The following GPR137 variants were observed in gnomAD, a reference collection of about 807,000 sequenced individuals.
The protein encoded by GPR137 is G protein-coupled receptor 137.
A neutral mutation model predicts 38.9 loss-of-function variants in GPR137; 20 were observed. The ratio of observed to expected loss-of-function variants is 0.51; its 90% CI spans 0.36 to 0.75. The LOEUF (loss-of-function observed/expected upper bound fraction) is 0.75, where lower values mean the gene tolerates loss of function less well. Among genes scored for constraint, GPR137 ranks in the 30% least tolerant of loss-of-function variants. GPR137 has a pLI of 0.00. For synonymous variants in GPR137, 226 were observed against 235.8 expected (o/e 0.96, Z 0.38); for missense variants, 456 against 526.4 (o/e 0.87, Z 1.31).
upstream of GPR137, chr11:64,285,460 G>T (rs1451745168): frequency 1.0e-6 from 1 of 984,234 alleles, no homozygotes; most frequent in African/African-American, 1.7e-5. Flanking sequence ...CAGGCCCGGG[G>T]GCGGGGCCCG....
chr11:64,270,576 G>T (rs897648749), exon 1 of GPR137: 39 of 707,022 alleles, frequency 5.5e-5, no homozygotes, highest in Middle Eastern at 2.3e-4. Context: ...AGGATGCCTA[G>T]GGCCCTAAAT....
At chr11:64,276,312 G>GTGTGTGTA (rs2033060641) in intron 1 of GPR137, 1 of 40,692 alleles carries the variant, frequency 2.5e-5, no homozygotes, top group Non-Finnish European at 4.6e-5. Context: ...GTGTGTGTGT[G>GTGTGTGTA]TGTATATATA....
At chr11:64,271,296 TCACA>T (rs1176064923), upstream of GPR137, among the ~76,000 whole-genome samples, 8 of 2,266 alleles carry the variant, frequency 3.5e-3, no homozygotes, top group African/African-American at 9.7e-3. Context: ...CCTGTGACTC[TCACA>T]CACACACACA....
At chr11:64,271,581 C>T (rs1293493342), upstream of GPR137, 1 of 1,392,716 alleles carries the variant, frequency 7.2e-7, no homozygotes, top group African/African-American at 1.5e-5. Flanking sequence ...CCTGGTACTT[C>T]AGGTCCTGGC....
upstream of GPR137, chr11:64,285,640 C>T: frequency 1.0e-6 from 1 of 985,198 alleles, no homozygotes; most frequent in Non-Finnish European, 1.2e-6. Flanking sequence ...ACGGCCCACC[C>T]GGGGACCCCC....
At chr11:64,274,789 C>T (rs1193917819), upstream of GPR137, among the ~76,000 whole-genome samples, 1 of 151,810 alleles carries the variant, frequency 6.6e-6, no homozygotes, top group Non-Finnish European at 1.5e-5. Flanking sequence ...CCACTGCACT[C>T]CAGCCTGGGT....
chr11:64,289,205 C>T lies in GPR137; in HGVS notation c.*9C>T. On this transcript the variant is annotated 3_prime_UTR_variant, in exon 7 of 7. Coordinates refer to ENST00000438980, the MANE Select transcript of GPR137 (RefSeq NM_001170880.2). ...CCACCCCACAGACGTGATCCCCCTC[C>T]CTCCCCCACAGAATACCCAGGCCCC... 1 of 1,611,094 alleles carries T rather than the reference C, an allele frequency of 6.2e-7. No homozygotes were observed.
rs768367749 is a variant in GPR137 at position 64,286,561 on chromosome 11, G to A, written c.37G>A (p.Gly13Arg). The A allele has an allele frequency of 1.2e-6, 2 of 1,612,948 alleles. No individual in the cohort carries two copies. Among genetic ancestry groups the A allele is most frequent in the Non-Finnish European group, 1.7e-6 (2 of 1,179,324 alleles). The change falls in exon 1 of 7, where the codon GGG becomes AGG. Residue 13 changes from glycine to arginine, a missense_variant. Coordinates refer to ENST00000438980, the MANE Select transcript of GPR137 (RefSeq NM_001170880.2). ...CCTGTCTGGCCTGGTGCCTGCTGCC[G>A]GGCTGGTGCCTGCGCTGCCACCTGC... ...SNLSGLVPAA[G>R]LVPALPPAVT...
At chr11:64,276,692 C>A in intron 2 of GPR137, 1 of 537,520 alleles carries the variant, frequency 1.9e-6, no homozygotes, top group Non-Finnish European at 3.3e-6. Context: ...TCTGTGAATT[C>A]CCTGGGGGAA....
upstream of GPR137, chr11:64,285,455 C>T: frequency 3.0e-6 from 3 of 984,296 alleles, no homozygotes; most frequent in Non-Finnish European, 3.6e-6. Context: ...GGGTTCAGGC[C>T]CGGGGGCGGG....
At chr11:64,271,777 G>GC, upstream of GPR137, 1 of 1,377,808 alleles carries the variant, frequency 7.3e-7, no homozygotes, top group Non-Finnish European at 9.4e-7. Context: ...GAGCTGTGGC[G>GC]ACTCCGGATC....
upstream of GPR137, among the ~76,000 whole-genome samples, chr11:64,283,453 A>C (rs1285099036): frequency 1.3e-5 from 2 of 152,242 alleles, no homozygotes; most frequent in Non-Finnish European, 2.9e-5. Flanking sequence ...ATAGAACCCC[A>C]GTGTCCATCC....
chr11:64,275,015 A>G (rs1452518564), upstream of GPR137, among the ~76,000 whole-genome samples: 1 of 139,532 alleles, frequency 7.2e-6, no homozygotes, highest in Admixed American at 7.4e-5. Flanking sequence ...AAAAAAAAAA[A>G]GCGAGTAAGG....
rs2034292242 is a variant in GPR137, at chr11:64,287,873, C to T, written c.560C>T (p.Ala187Val). 1 of 1,604,222 alleles carries T rather than the reference C, an allele frequency of 6.2e-7. No homozygotes were observed. Among genetic ancestry groups the T allele is most frequent in the Non-Finnish European group, 8.5e-7 (1 of 1,179,952 alleles). ...AGCGACTCCCTGTTCGTCATCTGCGCGCTGTCTCTTGCTGCCTGCCTCTGC... is the reference window on the plus strand; with the variant it reads ...AGCGACTCCCTGTTCGTCATCTGCGTGCTGTCTCTTGCTGCCTGCCTCTGC... ...LVSDSLFVIC[A>V]LSLAACLCLV... The change falls in exon 3 of 7, where the codon GCG becomes GTG. Residue 187 changes from alanine to valine, a missense_variant. Physicochemically the swap from Ala to Val is moderately conservative, Grantham distance 64. Coordinates refer to ENST00000438980, the MANE Select transcript of GPR137 (RefSeq NM_001170880.2).
chr11:64,279,630 G>T (rs1367814595), upstream of GPR137, among the ~76,000 whole-genome samples: 1 of 151,984 alleles, frequency 6.6e-6, no homozygotes, highest in South Asian at 2.1e-4. Flanking sequence ...GCTGGGCATG[G>T]TGCATGCCTG....
At position 64,288,124 on chromosome 11, in the gene GPR137, C is replaced by T. The variant is rs1355488611; in HGVS notation, c.693C>T (p.Ser231=). ...GCGCCATGGTCCTGCTCTATGCCAG[C>T]CGGGCCTGCTACAACCTGACAGCAC... ...MGGAMVLLYA[S]RACYNLTALA... Residue 231 remains serine (S), a synonymous_variant, in exon 4 of 7, where the codon AGC becomes AGT. Coordinates refer to ENST00000438980, the MANE Select transcript of GPR137 (RefSeq NM_001170880.2). The surrounding 1 kb of genome is among the most constrained non-coding windows in gnomAD (Gnocchi z 5.5). The T allele has an allele frequency of 6.2e-7, 1 of 1,612,646 alleles. No individual in the cohort carries two copies. Among genetic ancestry groups the T allele is most frequent in the East Asian group, 2.2e-5 (1 of 44,892 alleles).
At chr11:64,278,932 A>T (rs2033245665) in intron 2 of GPR137, among the ~76,000 whole-genome samples, 1 of 152,140 alleles carries the variant, frequency 6.6e-6, no homozygotes, top group Admixed American at 6.5e-5. Context: ...GCTTTTGGAG[A>T]CACTGAAAAC....
At chr11:64,277,632 T>C (rs1355735714) in intron 2 of GPR137, among the ~76,000 whole-genome samples, 1 of 152,138 alleles carries the variant, frequency 6.6e-6, no homozygotes, top group Non-Finnish European at 1.5e-5. Context: ...TAGAGAAGTG[T>C]CTTGCCATCT....
chr11:64,284,766 A>G (rs1027982025), upstream of GPR137: 15 of 1,535,002 alleles, frequency 9.8e-6, no homozygotes, highest in Admixed American at 3.9e-5. Flanking sequence ...TCACTCGGGT[A>G]GGTCCAGAGG....
Sources: gnomAD v4.1 joint callset for allele counts (sites outside exome capture counted in the v4.1 genomes callset) on GRCh38, gnomAD v4.1.1 for gene constraint, Gnocchi (gnomAD v3.1) non-coding constraint, MANE v1.5 for transcripts, NCBI Gene and HGNC (gene_info 2026-07-23, HGNC 2026-07-21) for gene names.